DLG2: variants seen among roughly 807,000 people sequenced by gnomAD.
DLG2 encodes disks large homolog 2.
In DLG2, 45 loss-of-function variants were observed where a neutral mutation model predicts 132.5. The ratio of observed to expected loss-of-function variants is 0.34; its 90% CI spans 0.27 to 0.44. The LOEUF is 0.44. Among genes scored for constraint, DLG2 ranks in the 20% least tolerant of loss-of-function variants. The probability of loss-of-function intolerance (pLI) is 1.00; values close to 1 mark genes in which losing one functional copy is unlikely to be tolerated. For synonymous variants in DLG2, 424 were observed against 419.6 expected, an observed-to-expected ratio of 1.01 and a Z score of -0.13; for missense variants, 1,045 against 1,196.9, an observed-to-expected ratio of 0.87 and a Z score of 1.87.
chr11:83,874,492 C>A lies in DLG2; in HGVS notation c.1497-4G>T. The A allele has an allele frequency of 6.3e-7, 1 of 1,590,140 alleles. No individual in the cohort carries two copies. Among genetic ancestry groups the A allele is most frequent in the Middle Eastern group, 1.7e-4 (1 of 5,968 alleles). ...TGCGGTGCTATGTTGGGAATGACTG[C>A]AAGAAAAGACAGAAGAAACACACAT... On this transcript the variant is annotated splice_polypyrimidine_tract_variant and splice_region_variant and intron_variant, in intron 15 of 27. Coordinates refer to ENST00000376104, the MANE Select transcript of DLG2 (RefSeq NM_001142699.3).
At chr11:85,128,701 C>T (rs1425366579) in intron 5 of DLG2, among the ~76,000 whole-genome samples, 6 of 152,038 alleles carry the variant, frequency 3.9e-5, no homozygotes, top group African/African-American at 1.4e-4. Flanking sequence ...AGTTGTGAAA[C>T]TTATTGGGAT....
intron 20 of DLG2, among the ~76,000 whole-genome samples, chr11:83,534,077 T>A (rs2095825502): frequency 6.6e-6 from 1 of 152,082 alleles, no homozygotes; most frequent in East Asian, 1.9e-4. Context: ...AAGGCCAGGG[T>A]TGAAAAAGTG....
Position 85,435,075 on chromosome 11 carries a change from T to C in DLG2, c.41-149710A>G, listed in dbSNP as rs112318355. On this transcript the variant is annotated intron_variant, in intron 3 of 27. Coordinates refer to ENST00000376104, the MANE Select transcript of DLG2 (RefSeq NM_001142699.3). ...AACAGAACCAATGACAAAAGCCACA[T>C]GATTATAGATGCAGGAAAGGTCTTT... 3.1e-3 allele frequency among the ~76,000 whole-genome samples: 470 copies of C among 152,308 alleles called. 5 individuals carry two copies. The highest frequency in any genetic ancestry group is 0.011 in the African/African-American group (451 of 41,560).
intron 6 of DLG2, among the ~76,000 whole-genome samples, chr11:84,764,908 G>C (rs933348730): frequency 6.6e-6 from 1 of 152,052 alleles, no homozygotes; most frequent in Non-Finnish European, 1.5e-5. Context: ...GAGGATGAAT[G>C]TGTGTAATGC....
chr11:83,593,751 G>A (rs1274746997), intron 19 of DLG2, among the ~76,000 whole-genome samples: 3 of 149,676 alleles, frequency 2.0e-5, no homozygotes, highest in Non-Finnish European at 4.4e-5. Context: ...CAAGTATGAA[G>A]TTGATATTTG....
At position 84,671,259 on chromosome 11, in the gene DLG2, C is replaced by T. The variant is rs530732175; in HGVS notation, c.358-136528G>A. ...GACTATAGGTACATGCCACCATGCC[C>T]GGCTTATTTTTTTAAATTTTTTTTG... On this transcript the variant is annotated intron_variant, in intron 6 of 27. Coordinates refer to ENST00000376104, the MANE Select transcript of DLG2 (RefSeq NM_001142699.3). 1.1e-4 allele frequency among the ~76,000 whole-genome samples: 17 copies of T among 152,040 alleles called. No homozygotes were observed. In the South Asian group the frequency reaches 3.1e-3, roughly 28 times the overall value.
intron 3 of DLG2, among the ~76,000 whole-genome samples, chr11:85,536,240 T>C (rs1038478538): frequency 1.9e-4 from 26 of 137,572 alleles, no homozygotes; most frequent in Non-Finnish European, 3.8e-4. Context: ...AAAAAAAAAG[T>C]TTTAAATAGG....
At chr11:84,533,029 G>A (rs1026869625) in intron 7 of DLG2, among the ~76,000 whole-genome samples, 1 of 152,084 alleles carries the variant, frequency 6.6e-6, no homozygotes, top group Non-Finnish European at 1.5e-5. Flanking sequence ...GGACCTTAAA[G>A]ACAATTTTGT....
At chr11:84,048,673 T>C (rs1432520640) in intron 11 of DLG2, among the ~76,000 whole-genome samples, 2 of 151,700 alleles carry the variant, frequency 1.3e-5, no homozygotes, top group East Asian at 1.9e-4. Context: ...AACGGTTGGG[T>C]GCCAGTAATC....
intron 7 of DLG2, among the ~76,000 whole-genome samples, chr11:84,278,903 T>C (rs1367468255): frequency 2.0e-5 from 3 of 152,062 alleles, no homozygotes; most frequent in Non-Finnish European, 4.4e-5. Flanking sequence ...CCATGGTGGA[T>C]TGCTGAACCC....
At chr11:85,572,249 T>C (rs1335147930) in intron 3 of DLG2, among the ~76,000 whole-genome samples, 2 of 152,184 alleles carry the variant, frequency 1.3e-5, no homozygotes, top group Non-Finnish European at 2.9e-5. Flanking sequence ...TAGGGTTCAC[T>C]GAGCTTCTGC....
intron 4 of DLG2, among the ~76,000 whole-genome samples, chr11:85,171,941 A>C (rs2078905779): frequency 6.6e-6 from 1 of 152,128 alleles, no homozygotes; most frequent in African/African-American, 2.4e-5. Context: ...AGTTTTTCAG[A>C]CAGAACTCTG....
At position 85,165,508 on chromosome 11, in the gene DLG2, CCT is replaced by C. The variant is rs1594990984; in HGVS notation, c.187-10859_187-10858del. 2.6e-5 allele frequency among the ~76,000 whole-genome samples: 4 copies of C among 152,280 alleles called. No homozygotes were observed. The South Asian group carries it at 8.3e-4, about 32-fold the overall frequency. ...GTAAACTGACCTGATAAGAATGTCT[CCT>C]CTGTTTTAACTCTATAAGGAAAGTA... On this transcript the variant is annotated intron_variant, in intron 4 of 27. Coordinates refer to ENST00000376104, the MANE Select transcript of DLG2 (RefSeq NM_001142699.3).
intron 14 of DLG2, among the ~76,000 whole-genome samples, chr11:83,937,446 T>A (rs751603688): frequency 2.0e-5 from 3 of 149,258 alleles, no homozygotes; most frequent in Non-Finnish European, 3.0e-5. Context: ...AGGCGGAGTT[T>A]GCAGTGAGCC....
At chr11:85,133,812 C>G (rs2075927689) in intron 5 of DLG2, among the ~76,000 whole-genome samples, 1 of 152,112 alleles carries the variant, frequency 6.6e-6, no homozygotes, top group Non-Finnish European at 1.5e-5. Context: ...TTTTAACAGC[C>G]AAATGATTAG....
intron 18 of DLG2, among the ~76,000 whole-genome samples, chr11:83,729,519 C>G (rs1187165871): frequency 6.6e-6 from 1 of 152,162 alleles, no homozygotes; most frequent in East Asian, 1.9e-4. Flanking sequence ...AAATCATGAG[C>G]CTGGAGATAG....
At chr11:84,202,311 T>A (rs1345845302) in intron 8 of DLG2, among the ~76,000 whole-genome samples, 1 of 151,912 alleles carries the variant, frequency 6.6e-6, no homozygotes, top group Non-Finnish European at 1.5e-5. Flanking sequence ...AGAGATGAGA[T>A]TTCACACCTA....
At chr11:84,012,621 A>G (rs906017967) in intron 11 of DLG2, among the ~76,000 whole-genome samples, 1 of 152,170 alleles carries the variant, frequency 6.6e-6, no homozygotes, top group Non-Finnish European at 1.5e-5. Context: ...CAGAGTTTCA[A>G]AACAGAGTCT....
At chr11:83,503,410 TATATATATATATAG>T (rs1565511915) in intron 21 of DLG2, among the ~76,000 whole-genome samples, 3 of 98,144 alleles carry the variant, frequency 3.1e-5, no homozygotes, top group African/African-American at 1.3e-4. Context: ...TATATATATA[TATATATATATATAG>T]ATAGATCTAA....
Sources: gnomAD v4.1 joint callset for allele counts (sites outside exome capture counted in the v4.1 genomes callset) on GRCh38, gnomAD v4.1.1 for gene constraint, MANE v1.5 for transcripts, NCBI Gene and HGNC (gene_info 2026-07-23, HGNC 2026-07-21) for gene names.